The following MAF variants were observed in gnomAD, a reference collection of about 807,000 sequenced individuals.
MAF encodes MAF bZIP transcription factor.
Under a neutral mutation model 22.0 loss-of-function variants are expected in MAF, and 10 were observed. The ratio of observed to expected loss-of-function variants is 0.45; its 90% CI spans 0.28 to 0.77. The LOEUF (loss-of-function observed/expected upper bound fraction) is 0.77. Ranked by LOEUF, MAF falls within the 30% of genes least tolerant of loss-of-function variation. The pLI is 0.12. For synonymous variants in MAF, 337 were observed against 255.8 expected (o/e 1.32, Z -3.03); for missense variants, 544 against 548.4 (o/e 0.99, Z 0.08).
At chr16:79,271,124 C>T in the MAF span, among the ~76,000 whole-genome samples, 2 of 148,626 alleles carry the variant, frequency 1.3e-5, no homozygotes, top group Non-Finnish European at 3.0e-5. Context: ...CCATGTTGGC[C>T]AGGCTGGTCT....
chr16:79,449,865 C>T, the MAF span, among the ~76,000 whole-genome samples: 32 of 152,146 alleles, frequency 2.1e-4, no homozygotes, highest in Admixed American at 5.2e-4. Flanking sequence ...ACCCCTTTCC[C>T]GCTCCTCACC....
the MAF span, among the ~76,000 whole-genome samples, chr16:79,352,845 A>G: frequency 2.8e-4 from 43 of 152,244 alleles, no homozygotes; most frequent in Non-Finnish European, 5.0e-4. Flanking sequence ...GTCCCTAGAC[A>G]TTGCAAAATG....
At chr16:79,313,731 G>A in the MAF span, among the ~76,000 whole-genome samples, 1 of 152,114 alleles carries the variant, frequency 6.6e-6, no homozygotes, top group African/African-American at 2.4e-5. Flanking sequence ...AGGAGGCTTT[G>A]CCTATCTCAC....
the MAF span, among the ~76,000 whole-genome samples, chr16:79,504,013 A>G: frequency 1.3e-5 from 2 of 152,190 alleles, no homozygotes; most frequent in African/African-American, 2.4e-5. Context: ...AATATCCCCA[A>G]ATTTCTCCCA....
At chr16:79,224,752 C>T in the MAF span, among the ~76,000 whole-genome samples, 2 of 152,144 alleles carry the variant, frequency 1.3e-5, no homozygotes, top group African/African-American at 4.8e-5. Context: ...GAGTGAACTC[C>T]TATTCACAAT....
At chr16:79,212,869 T>TTGTC in the MAF span, 1 of 152,122 alleles carries the variant, frequency 6.6e-6, no homozygotes, top group South Asian at 2.1e-4. Flanking sequence ...GTGGGCCAAG[T>TTGTC]TGTCTCACGC....
the MAF span, among the ~76,000 whole-genome samples, chr16:79,284,167 C>G: frequency 1.3e-5 from 2 of 152,256 alleles, no homozygotes; most frequent in Non-Finnish European, 2.9e-5. Flanking sequence ...GCAAGCTTTG[C>G]GCCCAGGAGC....
chr16:79,221,717 G>C, the MAF span, among the ~76,000 whole-genome samples: 1,756 of 151,950 alleles, frequency 0.012, 12 homozygotes, highest in Non-Finnish European at 0.018. Flanking sequence ...GATTGTGTAT[G>C]TGTGTGTGTG....
chr16:79,402,507 C>A, the MAF span, among the ~76,000 whole-genome samples: 3 of 152,228 alleles, frequency 2.0e-5, no homozygotes, highest in Non-Finnish European at 2.9e-5. Context: ...CTGGAAAACA[C>A]TGGGCCAGTG....
chr16:79,413,576 T>C, the MAF span, among the ~76,000 whole-genome samples: 12 of 152,054 alleles, frequency 7.9e-5, no homozygotes, highest in African/African-American at 2.7e-4. Flanking sequence ...CTCTGAGCTA[T>C]ATCTTTCTCT....
the MAF span, among the ~76,000 whole-genome samples, chr16:79,217,689 T>C: frequency 3.0e-4 from 46 of 152,198 alleles, no homozygotes; most frequent in African/African-American, 1.0e-3. Flanking sequence ...TCCCTCTCTC[T>C]CCCTAAGTTT....
At chr16:79,573,389 C>T in the MAF span, among the ~76,000 whole-genome samples, 6 of 152,158 alleles carry the variant, frequency 3.9e-5, no homozygotes, top group Non-Finnish European at 8.8e-5. Flanking sequence ...ACTTTTGAAG[C>T]TTTTGTTTTT....
chr16:79,330,771 C>T, the MAF span, among the ~76,000 whole-genome samples: 8 of 152,192 alleles, frequency 5.3e-5, no homozygotes, highest in African/African-American at 1.9e-4. Context: ...CAGGAATTGC[C>T]CTCCTCGGTG....
At chr16:79,420,378 G>T in the MAF span, among the ~76,000 whole-genome samples, 2 of 152,218 alleles carry the variant, frequency 1.3e-5, no homozygotes, top group South Asian at 4.1e-4. Context: ...TCTGAACACA[G>T]TGGCCGCATG....
chr16:79,293,711 T>G, the MAF span, among the ~76,000 whole-genome samples: 1 of 152,156 alleles, frequency 6.6e-6, no homozygotes, highest in Non-Finnish European at 1.5e-5. Context: ...TAGTAGAAAT[T>G]GTGCATAGTA....
the MAF span, among the ~76,000 whole-genome samples, chr16:79,217,162 G>C: frequency 1.3e-5 from 2 of 152,212 alleles, no homozygotes; most frequent in South Asian, 2.1e-4. Context: ...CTCTGTGCCA[G>C]TTGATGGGTT....
At chr16:79,246,571 C>T in the MAF span, among the ~76,000 whole-genome samples, 1 of 147,448 alleles carries the variant, frequency 6.8e-6, no homozygotes, top group Non-Finnish European at 1.5e-5. Context: ...TTTAAATATA[C>T]TTTTCAGTTT....
chr16:79,485,268 A>C, the MAF span, among the ~76,000 whole-genome samples: 7 of 152,298 alleles, frequency 4.6e-5, no homozygotes, highest in South Asian at 1.0e-3. Context: ...AGAAATAATA[A>C]TACTACTTGC....
chr16:79,497,869 C>T, the MAF span, among the ~76,000 whole-genome samples: 1 of 152,228 alleles, frequency 6.6e-6, no homozygotes, highest in Non-Finnish European at 1.5e-5. Context: ...ATGCCTTGCT[C>T]ACCTATCTGT....
Sources: allele counts gnomAD v4.1 joint callset (sites outside exome capture counted in the v4.1 genomes callset), GRCh38; gene constraint gnomAD v4.1.1; transcripts MANE v1.5; gene names NCBI Gene and HGNC (gene_info 2026-07-23, HGNC 2026-07-21).